The following UIMC1 variants were observed in gnomAD, a reference collection of about 807,000 sequenced individuals.
UIMC1 encodes the protein ubiquitin interaction motif containing 1.
Under a neutral mutation model 84.9 loss-of-function variants are expected in UIMC1, and 42 were observed. The ratio of observed to expected loss-of-function variants is 0.49; its 90% CI spans 0.39 to 0.64. The LOEUF is 0.64. Among genes scored for constraint, UIMC1 ranks in the 30% least tolerant of loss-of-function variants. The probability of loss-of-function intolerance (pLI) is 0.00; values close to 1 mark genes in which losing one functional copy is unlikely to be tolerated. For synonymous variants in UIMC1, 281 were observed against 293.0 expected, an observed-to-expected ratio of 0.96 and a Z score of 0.42; for missense variants, 825 against 847.6, an observed-to-expected ratio of 0.97 and a Z score of 0.33.
intron 10 of UIMC1, among the ~76,000 whole-genome samples, chr5:176,940,799 T>C (rs552462115): frequency 1.3e-5 from 2 of 152,236 alleles, no homozygotes; most frequent in East Asian, 1.9e-4. Context: ...ATAGTTCTTA[T>C]GTATTTACTA....
At chr5:176,958,229 T>A in intron 6 of UIMC1, 75 bp from the exon 7 acceptor site, 2 of 1,292,512 alleles carry the variant, frequency 1.5e-6, no homozygotes, top group Non-Finnish European at 2.2e-6. Context: ...TAAAAAAATT[T>A]AATTGTTCAA....
chr5:176,938,656 T>C (rs1049508445), intron 10 of UIMC1, among the ~76,000 whole-genome samples: 2 of 152,180 alleles, frequency 1.3e-5, no homozygotes, highest in Non-Finnish European at 2.9e-5. Flanking sequence ...GCTTCTTATC[T>C]TATCTAAACC....
At chr5:176,941,993 G>A (rs755613709) in intron 10 of UIMC1, among the ~76,000 whole-genome samples, 10 of 152,026 alleles carry the variant, frequency 6.6e-5, no homozygotes, top group South Asian at 2.1e-4. Context: ...ACAGGAGCCC[G>A]GCACCACGCC....
intron 6 of UIMC1, among the ~76,000 whole-genome samples, chr5:176,963,977 C>G (rs1407612327): frequency 6.6e-6 from 1 of 152,172 alleles, no homozygotes; most frequent in African/African-American, 2.4e-5. Flanking sequence ...TACAGGCCTT[C>G]ATTAGCAACT....
intron 6 of UIMC1, among the ~76,000 whole-genome samples, chr5:176,959,441 G>A (rs1767025034): frequency 6.6e-6 from 1 of 152,172 alleles, no homozygotes; most frequent in Admixed American, 6.5e-5. Context: ...TATTGGCCGG[G>A]CGCGGTGGCT....
Position 176,953,495 on chromosome 5 carries a change from T to C in UIMC1, c.1340-1918A>G, listed in dbSNP as rs73804287. Among the ~76,000 whole-genome samples the C allele has an allele frequency of 2.6e-3, 351 of 136,960 alleles. 1 individual carries two copies. The highest frequency in any genetic ancestry group is 8.2e-3 in the African/African-American group (295 of 35,904). 89.9% of individuals were successfully genotyped at this position (136,960 alleles called of 152,430 possible). ...CAAATTTTTTTGAAAACTGGACACA[T>C]ACACACACACACACACACACACACA... is the stretch of plus-strand genomic sequence containing the variant. On this transcript the variant is annotated intron_variant, in intron 8 of 14. Coordinates refer to ENST00000511320, the MANE Select transcript of UIMC1 (RefSeq NM_001199298.2).
intron 10 of UIMC1, among the ~76,000 whole-genome samples, chr5:176,918,442 A>G (rs1113610): frequency 0.026 from 4,024 of 152,336 alleles, 83 homozygotes; most frequent in Non-Finnish European, 0.044. Context: ...ACCAAATGTT[A>G]TAAGTCAATT....
intron 10 of UIMC1, among the ~76,000 whole-genome samples, chr5:176,942,979 T>C (rs982848324): frequency 1.3e-5 from 2 of 150,510 alleles, no homozygotes; most frequent in Non-Finnish European, 3.0e-5. Context: ...TGAGAATCGT[T>C]TGAACCTGGG....
At chr5:176,964,100 T>A (rs918335369) in intron 6 of UIMC1, among the ~76,000 whole-genome samples, 6 of 152,198 alleles carry the variant, frequency 3.9e-5, no homozygotes, top group African/African-American at 1.4e-4. Flanking sequence ...TGAGTCCCTA[T>A]TTTTGAGACT....
At chr5:176,918,617 A>C (rs1008479191) in intron 10 of UIMC1, among the ~76,000 whole-genome samples, 1 of 152,096 alleles carries the variant, frequency 6.6e-6, no homozygotes, top group Non-Finnish European at 1.5e-5. Context: ...GTTCACCATC[A>C]CCTATCTTTC....
intron 9 of UIMC1, among the ~76,000 whole-genome samples, chr5:176,944,070 G>C (rs1764785502): frequency 6.6e-6 from 1 of 152,170 alleles, no homozygotes; most frequent in African/African-American, 2.4e-5. Context: ...TTCACAAAAG[G>C]ACTGTTATTA....
rs537217543 is a variant in UIMC1 at position 177,020,493 on chromosome 5, C to T, written c.-9+1971G>A. Among the ~76,000 whole-genome samples the T allele has an allele frequency of 2.5e-3, 385 of 152,306 alleles. 14 individuals are homozygous for T. In the South Asian group the frequency reaches 0.075, roughly 29 times the overall value. On this transcript the variant is annotated intron_variant, in intron 1 of 5. Coordinates refer to the UIMC1 transcript ENST00000509236. Reference sequence around the variant, plus strand: ...TTGCCCAGGATGGAGTGCAGTGGCACGATCTCGGCTCACTGCAAGCTCCGC... The same window carrying T: ...TTGCCCAGGATGGAGTGCAGTGGCATGATCTCGGCTCACTGCAAGCTCCGC...
chr5:177,001,935 G>C (rs1774545558), intron 1 of UIMC1: 1 of 135,544 alleles, frequency 7.4e-6, no homozygotes, highest in Non-Finnish European at 1.5e-5. Flanking sequence ...GGGCGACAGA[G>C]CGAGACTCTG....
At position 176,990,042 on chromosome 5, in the gene UIMC1, G is replaced by A. The variant is rs113116678; in HGVS notation, c.-8-7419C>T. Among the ~76,000 whole-genome samples the A allele has an allele frequency of 9.3e-3, 1,414 of 152,174 alleles. 25 individuals carry two copies. The highest frequency in any genetic ancestry group is 0.032 in the African/African-American group (1,314 of 41,488). Reference sequence around the variant, plus strand: ...AAAAATACAAAAAAATTAGCCAGGCGTGGTGGCGGGAGCCTGTAGCCCCAG... The same window carrying A: ...AAAAATACAAAAAAATTAGCCAGGCATGGTGGCGGGAGCCTGTAGCCCCAG... On this transcript the variant is annotated intron_variant, in intron 1 of 14. Coordinates refer to ENST00000511320, the MANE Select transcript of UIMC1 (RefSeq NM_001199298.2).
At chr5:176,977,223 C>CAAAAAA (rs1016279747) in intron 2 of UIMC1, among the ~76,000 whole-genome samples, 1 of 71,636 alleles carries the variant, frequency 1.4e-5, no homozygotes, top group African/African-American at 4.2e-5. Context: ...GATTCTGTCT[C>CAAAAAA]AAAAAAAAAA....
In UIMC1 at chr5:176,927,632, G is replaced by A. The variant is rs190958505; in HGVS notation, c.1597+15703C>T. Among the ~76,000 whole-genome samples the A allele has an allele frequency of 1.3e-4, 20 of 152,198 alleles. No homozygotes were observed. The East Asian group carries it at 3.7e-3, about 28-fold the overall frequency. On this transcript the variant is annotated intron_variant, in intron 10 of 14. Transcript: ENST00000511320. ...AACGCAATATGTAAAATACATAAATGTATGGATGAGGTGGGTGGTCAAGTT... is the reference window on the plus strand; with the variant it reads ...AACGCAATATGTAAAATACATAAATATATGGATGAGGTGGGTGGTCAAGTT...
At chr5:176,919,914 C>T (rs1002425318) in intron 10 of UIMC1, among the ~76,000 whole-genome samples, 1 of 152,166 alleles carries the variant, frequency 6.6e-6, no homozygotes, top group Non-Finnish European at 1.5e-5. Context: ...CTCTTAACTT[C>T]GTTCTTTTTC....
intron 10 of UIMC1, among the ~76,000 whole-genome samples, chr5:176,923,350 C>G (rs1227704228): frequency 6.6e-6 from 1 of 152,140 alleles, no homozygotes; most frequent in Non-Finnish European, 1.5e-5. Context: ...ACTGAAATGA[C>G]TAGAACCATA....
chr5:176,917,399 C>T (rs954257059), intron 10 of UIMC1, among the ~76,000 whole-genome samples: 16 of 152,056 alleles, frequency 1.1e-4, no homozygotes, highest in African/African-American at 3.4e-4. Flanking sequence ...CGACAAAATG[C>T]TGTCTCTACT....
Sources: allele counts gnomAD v4.1 joint callset (sites outside exome capture counted in the v4.1 genomes callset), GRCh38; gene constraint gnomAD v4.1.1; transcripts MANE v1.5; gene names NCBI Gene and HGNC (gene_info 2026-07-23, HGNC 2026-07-21).